Variants in GPR158 observed in about 807,000 individuals in gnomAD.
GPR158 encodes metabotropic glycine receptor.
In GPR158, 30 loss-of-function variants were observed where a neutral mutation model predicts 78.2. The observed-to-expected ratio is 0.38, with a 90% CI of 0.29 to 0.52. GPR158 has a LOEUF of 0.52. GPR158 is among the 20% of genes least tolerant of loss of function. The probability of loss-of-function intolerance (pLI) is 0.83; values close to 1 mark genes in which losing one functional copy is unlikely to be tolerated. For missense variants in GPR158, 1,463 were observed against 1,523.5 expected (o/e 0.96, Z 0.66); for synonymous variants, 581 against 591.1 (o/e 0.98, Z 0.25).
chr10:25,206,212 C>T (rs1385078039), intron 1 of GPR158, among the ~76,000 whole-genome samples: 1 of 152,140 alleles, frequency 6.6e-6, no homozygotes, highest in Non-Finnish European at 1.5e-5. Flanking sequence ...TGGTCTCGAT[C>T]TCCTGACCTC....
intron 5 of GPR158, among the ~76,000 whole-genome samples, chr10:25,501,602 T>C (rs1039360909): frequency 6.6e-6 from 1 of 152,152 alleles, no homozygotes; most frequent in Admixed American, 6.5e-5. Context: ...TGAAAACTGC[T>C]GTGGACTGGG....
chr10:25,470,888 AATTT>A (rs1436979366), intron 5 of GPR158, among the ~76,000 whole-genome samples: 8 of 152,120 alleles, frequency 5.3e-5, no homozygotes, highest in Non-Finnish European at 1.5e-5. Flanking sequence ...TTTTAAAATC[AATTT>A]TCCACCCAGT....
intron 2 of GPR158, among the ~76,000 whole-genome samples, chr10:25,291,792 CAG>C (rs984919274): frequency 6.6e-6 from 1 of 151,682 alleles, no homozygotes; most frequent in Non-Finnish European, 1.5e-5. Context: ...AAAAAAGGAA[CAG>C]AGGGAAATGG....
At chr10:25,458,227 C>A (rs1414701243) in intron 4 of GPR158, among the ~76,000 whole-genome samples, 1 of 152,044 alleles carries the variant, frequency 6.6e-6, no homozygotes, top group Non-Finnish European at 1.5e-5. Flanking sequence ...GAAAGAATAC[C>A]TACTTAAGGC....
chr10:25,236,117 C>T lies in GPR158; in HGVS notation c.1008+14960C>T, dbSNP rs959496952. 2.0e-5 allele frequency among the ~76,000 whole-genome samples: 3 copies of T among 152,248 alleles called. No homozygotes were observed. In the East Asian group the frequency reaches 5.8e-4, roughly 29 times the overall value. On this transcript the variant is annotated intron_variant, in intron 2 of 10. Transcript: ENST00000376351. ...TGCTAGACTGTAAGCTCCATGAGGGCAGAAACCAAATTAGTGTCATTCACC... is the reference window on the plus strand; with the variant it reads ...TGCTAGACTGTAAGCTCCATGAGGGTAGAAACCAAATTAGTGTCATTCACC...
intron 6 of GPR158, among the ~76,000 whole-genome samples, chr10:25,562,392 G>T (rs1274049014): frequency 6.6e-6 from 1 of 151,996 alleles, no homozygotes; most frequent in African/African-American, 2.4e-5. Context: ...AAAAGATAAG[G>T]TTATTGACTT....
At chr10:25,316,227 A>G (rs1020500759) in intron 2 of GPR158, among the ~76,000 whole-genome samples, 24 of 152,264 alleles carry the variant, frequency 1.6e-4, no homozygotes, top group Non-Finnish European at 2.2e-4. Context: ...TTGAAGATCA[A>G]TTTACCCAGG....
chr10:25,568,380 G>A (rs1836960544), intron 6 of GPR158, among the ~76,000 whole-genome samples: 1 of 152,166 alleles, frequency 6.6e-6, no homozygotes, highest in Admixed American at 6.5e-5. Context: ...AGAGAAGTCT[G>A]CAATAGAGAC....
At chr10:25,551,113 T>A (rs1836720216) in intron 6 of GPR158, 28 bp downstream of exon 6, 3 of 1,232,248 alleles carry the variant, frequency 2.4e-6, no homozygotes, top group Non-Finnish European at 3.6e-6. Flanking sequence ...ATCGTCATTC[T>A]CATGGAAAGA....
intron 5 of GPR158, among the ~76,000 whole-genome samples, chr10:25,476,111 A>G (rs1835580232): frequency 6.6e-6 from 1 of 152,190 alleles, no homozygotes; most frequent in South Asian, 2.1e-4. Flanking sequence ...AGAGAGCTGA[A>G]GCATTCAAAC....
chr10:25,422,979 T>A (rs1198998778), intron 4 of GPR158, among the ~76,000 whole-genome samples: 1 of 151,774 alleles, frequency 6.6e-6, no homozygotes, highest in Non-Finnish European at 1.5e-5. Flanking sequence ...CTGAGTTACT[T>A]CACTTACAAT....
At chr10:25,509,787 G>A (rs765729047) in intron 5 of GPR158, among the ~76,000 whole-genome samples, 4 of 152,142 alleles carry the variant, frequency 2.6e-5, no homozygotes, top group Admixed American at 6.5e-5. Flanking sequence ...TGCGATCTCC[G>A]CTCACCACAA....
At chr10:25,181,006 C>T (rs908666006) in intron 1 of GPR158, among the ~76,000 whole-genome samples, 6 of 152,212 alleles carry the variant, frequency 3.9e-5, no homozygotes, top group African/African-American at 9.6e-5. Context: ...TTCTCTCCCT[C>T]ACACAAGACA....
chr10:25,519,274 C>T (rs1427430297), intron 5 of GPR158, among the ~76,000 whole-genome samples: 9 of 140,194 alleles, frequency 6.4e-5, no homozygotes, highest in East Asian at 4.0e-4. Flanking sequence ...TGTCTCTGCA[C>T]GTGAGATGGG....
intron 3 of GPR158, among the ~76,000 whole-genome samples, chr10:25,403,730 A>C (rs1293484760): frequency 6.6e-6 from 1 of 152,042 alleles, no homozygotes. Context: ...GTTTGTTTCC[A>C]GCACCTTGAA....
chr10:25,175,344 T>A lies in GPR158; in HGVS notation c.-77T>A. 1 of 867,188 alleles carries A rather than the reference T, an allele frequency of 1.2e-6. No individual in the cohort carries two copies. The highest frequency in any genetic ancestry group is 1.8e-6 in the Non-Finnish European group (1 of 549,098). 53.7% of individuals were successfully genotyped at this position (867,188 alleles called of 1,614,324 possible). The stretch of plus-strand genomic sequence containing the variant: ...GGAAGACTCCTCGAAAAAGTCTGAC[T>A]GTTGAGAAACTGACGATCCAAATTT... On this transcript the variant is annotated 5_prime_UTR_variant, in exon 1 of 11. Coordinates refer to ENST00000376351, the MANE Select transcript of GPR158 (RefSeq NM_020752.3). This position sits in a 1 kb window ranked among gnomAD's most constrained non-coding sequence, Gnocchi z 6.4.
chr10:25,563,847 CTT>C (rs1045656329), intron 6 of GPR158, among the ~76,000 whole-genome samples: 3 of 152,018 alleles, frequency 2.0e-5, no homozygotes, highest in Admixed American at 6.6e-5. Flanking sequence ...TTTTAATAAA[CTT>C]TATCTAATAA....
intron 2 of GPR158, among the ~76,000 whole-genome samples, chr10:25,285,610 T>G (rs910533677): frequency 1.3e-5 from 2 of 152,098 alleles, no homozygotes; most frequent in African/African-American, 2.4e-5. Flanking sequence ...TTGCCCTTCC[T>G]TTGTTTGTTT....
At chr10:25,182,299 G>A (rs1004703809) in intron 1 of GPR158, among the ~76,000 whole-genome samples, 2 of 152,144 alleles carry the variant, frequency 1.3e-5, no homozygotes, top group Non-Finnish European at 1.5e-5. Flanking sequence ...AAGTTTCGTC[G>A]TAGATTTCTA....
Sources: gnomAD v4.1 joint callset for allele counts (sites outside exome capture counted in the v4.1 genomes callset) on GRCh38, gnomAD v4.1.1 for gene constraint, Gnocchi (gnomAD v3.1) non-coding constraint, MANE v1.5 for transcripts, NCBI Gene and HGNC (gene_info 2026-07-23, HGNC 2026-07-21) for gene names.